RNF144B: variants seen among roughly 807,000 people sequenced by gnomAD.
The protein encoded by RNF144B is E3 ubiquitin-protein ligase RNF144B.
A neutral mutation model predicts 40.2 loss-of-function variants in RNF144B; 25 were observed. The ratio of observed to expected loss-of-function variants is 0.62; its 90% CI spans 0.45 to 0.87. The LOEUF is 0.87. Among genes scored for constraint, RNF144B ranks in the 40% least tolerant of loss-of-function variants. RNF144B has a pLI of 0.00. For missense variants in RNF144B, 365 were observed against 373.7 expected (o/e 0.98, Z 0.19); for synonymous variants, 145 against 136.3 (o/e 1.06, Z -0.44).
intron 2 of RNF144B, among the ~76,000 whole-genome samples, chr6:18,427,300 G>GT (rs1436574771): frequency 6.6e-6 from 1 of 151,976 alleles, no homozygotes; most frequent in East Asian, 1.9e-4. Flanking sequence ...AGAAAATAGT[G>GT]TTTTTTCTTT....
At chr6:18,399,298 G>T (rs979293442) in intron 1 of RNF144B, among the ~76,000 whole-genome samples, 3 of 152,150 alleles carry the variant, frequency 2.0e-5, no homozygotes, top group Non-Finnish European at 4.4e-5. Flanking sequence ...GGACAGTGAG[G>T]TCAGCTTACA....
chr6:18,431,439 A>G (rs764270018), intron 3 of RNF144B, among the ~76,000 whole-genome samples: 1 of 152,152 alleles, frequency 6.6e-6, no homozygotes, highest in Non-Finnish European at 1.5e-5. Context: ...ATTGGACTGT[A>G]CCACCTTCAT....
At chr6:18,436,209 G>C (rs143706027) in intron 3 of RNF144B, among the ~76,000 whole-genome samples, 22 of 152,236 alleles carry the variant, frequency 1.4e-4, no homozygotes, top group African/African-American at 5.1e-4. Flanking sequence ...CAAATTAGGG[G>C]AACACTGTAC....
chr6:18,389,312 T>C (rs571320746), intron 1 of RNF144B, among the ~76,000 whole-genome samples: 1 of 152,276 alleles, frequency 6.6e-6, no homozygotes, highest in Admixed American at 6.5e-5. Context: ...GAACCAGGTT[T>C]TTGGAGCCAA....
rs66505065 is a variant in RNF144B, at chr6:18,467,400, G to GTTTTTTTTTTTTTTTTTTT, written c.*2334_*2352dup. ...TTGTATCACTGAATTAGCTGCTTTT[G>GTTTTTTTTTTTTTTTTTTT]TTTTTTTTTTTTTTTTTTTGCCAGG... On this transcript the variant is annotated 3_prime_UTR_variant, in exon 8 of 8. Coordinates refer to ENST00000259939, the MANE Select transcript of RNF144B (RefSeq NM_182757.4). 1 of 102,272 alleles carries GTTTTTTTTTTTTTTTTTTT rather than the reference G, an allele frequency of 9.8e-6. No individual in the cohort carries two copies. The highest frequency in any genetic ancestry group is 1.9e-5 in the Non-Finnish European group (1 of 53,416). The allele number at this position is 102,272 out of a possible 1,614,324, so 6.3% of individuals were successfully genotyped here.
rs58124564 is a variant in RNF144B at position 18,406,457 on chromosome 6, AGTGTGT to A, written c.165+6797_165+6802del. On this transcript the variant is annotated intron_variant, in intron 2 of 7. Coordinates refer to ENST00000259939, the MANE Select transcript of RNF144B (RefSeq NM_182757.4). This position sits in a 1 kb window ranked among gnomAD's most constrained non-coding sequence, Gnocchi z 4.2. ...CAAAGGAGGCTGGTGTGGCTGGAAA[AGTGTGT>A]GTGTGTGTGTGTGTGTGTGTGTGTG... is the stretch of plus-strand genomic sequence containing the variant. Among the ~76,000 whole-genome samples, 3,023 of 131,000 alleles carry A rather than the reference AGTGTGT, an allele frequency of 0.023. 52 individuals carry two copies. The highest frequency in any genetic ancestry group is 0.03 in the South Asian group (108 of 3,632). 85.9% of individuals were successfully genotyped at this position (131,000 alleles called of 152,430 possible). A position where few individuals can be genotyped will look rare whatever the true frequency, so the allele number is the denominator to read the frequency against.
At position 18,410,046 on chromosome 6, in the gene RNF144B, C is replaced by G. The variant is rs980033883; in HGVS notation, c.165+10347C>G. ...TTGTGTAGACTTTTCCCCCCTTAAG[C>G]ATGCCTTTGCCAAAGTTTAATTCTT... On this transcript the variant is annotated intron_variant, in intron 2 of 7. Transcript: ENST00000259939. This position sits in a 1 kb window ranked among gnomAD's most constrained non-coding sequence, Gnocchi z 4.6. 1.3e-5 allele frequency among the ~76,000 whole-genome samples: 2 copies of G among 152,072 alleles called. No individual in the cohort carries two copies. The highest frequency in any genetic ancestry group is 4.8e-5 in the African/African-American group (2 of 41,402).
rs1759006511 is a variant in RNF144B at position 18,443,289 on chromosome 6, G to A, written c.331+3545G>A. 6.6e-6 allele frequency among the ~76,000 whole-genome samples: 1 copy of A among 152,030 alleles called. No homozygotes were observed. Among genetic ancestry groups the A allele is most frequent in the Non-Finnish European group, 1.5e-5 (1 of 68,004 alleles). On this transcript the variant is annotated intron_variant, in intron 4 of 7. Transcript: ENST00000259939. The surrounding 1 kb of genome is among the most constrained non-coding windows in gnomAD (Gnocchi z 4.7). ...TTTTGTTTATTTTTTTTGAGATGGA[G>A]TCTCATTCTGTTGCCCAGGCTGGAT... is the stretch of plus-strand genomic sequence containing the variant.
At chr6:18,423,193 G>A (rs1277195445) in intron 2 of RNF144B, among the ~76,000 whole-genome samples, 1 of 152,168 alleles carries the variant, frequency 6.6e-6, no homozygotes, top group Non-Finnish European at 1.5e-5. Context: ...TTCCCTGAGA[G>A]CAGCTTAGAC....
At chr6:18,432,654 T>C (rs1758719804) in intron 3 of RNF144B, among the ~76,000 whole-genome samples, 1 of 152,244 alleles carries the variant, frequency 6.6e-6, no homozygotes, top group Admixed American at 6.5e-5. Flanking sequence ...CATCACTTCC[T>C]GGGAAAGTTT....
Position 18,450,869 on chromosome 6 carries a change from G to T in RNF144B, c.332-6286G>T, listed in dbSNP as rs909723377. 2.0e-5 allele frequency among the ~76,000 whole-genome samples: 3 copies of T among 152,168 alleles called. No individual in the cohort carries two copies. The highest frequency in any genetic ancestry group is 7.2e-5 in the African/African-American group (3 of 41,434). On this transcript the variant is annotated intron_variant, in intron 4 of 7. Coordinates refer to ENST00000259939, the MANE Select transcript of RNF144B (RefSeq NM_182757.4). The surrounding 1 kb of genome is among the most constrained non-coding windows in gnomAD (Gnocchi z 4.7). The stretch of plus-strand genomic sequence containing the variant: ...AGGGATTTTTTAAAAAAGATCTGTT[G>T]ATATGGTGCTTTATCTCTTTGTAAT...
chr6:18,403,436 C>T (rs1248138446), intron 2 of RNF144B, among the ~76,000 whole-genome samples: 3 of 152,176 alleles, frequency 2.0e-5, no homozygotes, highest in African/African-American at 7.2e-5. Context: ...AGATTAAATA[C>T]AGGATGTGCT....
Position 18,398,098 on chromosome 6 carries a change from G to A in RNF144B, c.-36-1401G>A, listed in dbSNP as rs1004779858. Among the ~76,000 whole-genome samples the A allele has an allele frequency of 6.6e-6, 1 of 151,792 alleles. No individual in the cohort carries two copies. The highest frequency in any genetic ancestry group is 6.6e-5 in the Admixed American group (1 of 15,226). On this transcript the variant is annotated intron_variant, in intron 1 of 7. Transcript: ENST00000259939. This position sits in a 1 kb window ranked among gnomAD's most constrained non-coding sequence, Gnocchi z 5.0. ...CACTCGAGCCTGGGCAACAGAGAGA[G>A]ACCCTTTCTCTAGGAAAAAAAAACC...
intron 2 of RNF144B, among the ~76,000 whole-genome samples, chr6:18,424,713 C>T (rs1303550587): frequency 2.0e-5 from 3 of 152,138 alleles, no homozygotes; most frequent in Non-Finnish European, 2.9e-5. Context: ...ATGTGTTTGC[C>T]TATAAGGACT....
intron 6 of RNF144B, among the ~76,000 whole-genome samples, chr6:18,462,089 A>G (rs140721878): frequency 5.9e-5 from 9 of 152,282 alleles, no homozygotes; most frequent in African/African-American, 2.2e-4. Context: ...GCTGTGTCAC[A>G]TTTAAACACG....
At position 18,453,137 on chromosome 6, in the gene RNF144B, CTTTTTTTTTTT is replaced by C. The variant is rs33972716; in HGVS notation, c.332-4009_332-3999del. On this transcript the variant is annotated intron_variant, in intron 4 of 7. Coordinates refer to ENST00000259939, the MANE Select transcript of RNF144B (RefSeq NM_182757.4). Reference sequence around the variant, plus strand: ...GTTTCATTTATACTCTTTCTGTCTGCTTTTTTTTTTTTTTTTTTTGAGATGGAGTCGCACTC... The same window carrying C: ...GTTTCATTTATACTCTTTCTGTCTGCTTTTTTTTGAGATGGAGTCGCACTC... Among the ~76,000 whole-genome samples, 537 of 103,376 alleles carry C rather than the reference CTTTTTTTTTTT, an allele frequency of 5.2e-3. 6 individuals carry two copies. Among genetic ancestry groups the C allele is most frequent in the African/African-American group, 0.018 (505 of 28,018 alleles). 67.8% of individuals were successfully genotyped at this position (103,376 alleles called of 152,430 possible).
chr6:18,399,408 T>C (rs1225080905), intron 1 of RNF144B, 91 bp from the exon 2 acceptor site: 2 of 889,434 alleles, frequency 2.2e-6, no homozygotes, highest in African/African-American at 3.4e-5. Flanking sequence ...TAACTGAGGG[T>C]GAGAATTTGA....
At position 18,441,559 on chromosome 6, in the gene RNF144B, C is replaced by T. The variant is rs987658530; in HGVS notation, c.331+1815C>T. Among the ~76,000 whole-genome samples, 5 of 151,034 alleles carry T rather than the reference C, an allele frequency of 3.3e-5. No individual in the cohort carries two copies. Among genetic ancestry groups the T allele is most frequent in the African/African-American group, 1.2e-4 (5 of 41,296 alleles). On this transcript the variant is annotated intron_variant, in intron 4 of 7. Transcript: ENST00000259939. This position sits in a 1 kb window ranked among gnomAD's most constrained non-coding sequence, Gnocchi z 4.9. ...ATTGTTTACATTTTAGGTAACATATCTGTTAGCTCAAATGTCTTTTTTGTA... is the reference window on the plus strand; with the variant it reads ...ATTGTTTACATTTTAGGTAACATATTTGTTAGCTCAAATGTCTTTTTTGTA...
chr6:18,395,403 A>C lies in RNF144B; in HGVS notation c.-36-4096A>C, dbSNP rs1160163168. Among the ~76,000 whole-genome samples the C allele has an allele frequency of 6.6e-6, 1 of 152,096 alleles. No individual in the cohort carries two copies. The highest frequency in any genetic ancestry group is 2.4e-5 in the African/African-American group (1 of 41,410). ...TACTATTGGGGGTTTCATGCTGTGA[A>C]GACCGGTGAATAGTAATATGACACA... On this transcript the variant is annotated intron_variant, in intron 1 of 7. Coordinates refer to ENST00000259939, the MANE Select transcript of RNF144B (RefSeq NM_182757.4). The surrounding 1 kb of genome is among the most constrained non-coding windows in gnomAD (Gnocchi z 4.5).
Sources: gnomAD v4.1 joint callset for allele counts (sites outside exome capture counted in the v4.1 genomes callset) on GRCh38, gnomAD v4.1.1 for gene constraint, Gnocchi (gnomAD v3.1) non-coding constraint, MANE v1.5 for transcripts, NCBI Gene and HGNC (gene_info 2026-07-23, HGNC 2026-07-21) for gene names.